USP9Y: variants seen among roughly 807,000 people sequenced by gnomAD.
USP9Y encodes ubiquitin carboxyl-terminal hydrolase 9Y.
In USP9Y, 41 loss-of-function variants were observed where a neutral mutation model predicts 53.1. The ratio of observed to expected loss-of-function variants is 0.77; its 90% CI spans 0.60 to 1.00. The LOEUF (loss-of-function observed/expected upper bound fraction) is 1.00. USP9Y is among the 50% of genes least tolerant of loss of function. USP9Y has a pLI of 0.00. For missense variants in USP9Y, 567 were observed against 535.8 expected, an observed-to-expected ratio of 1.06 and a Z score of -0.58; for synonymous variants, 220 against 173.7, an observed-to-expected ratio of 1.27 and a Z score of -2.09.
chrY:12,773,126 G>A (rs2053487689), intron 16 of USP9Y, among the ~76,000 whole-genome samples: 1 of 33,250 alleles, frequency 3.0e-5, no homozygotes, highest in Non-Finnish European at 7.4e-5. Context: ...AATTACTGGT[G>A]GATTTTTTGT....
chrY:12,767,095 A>G (rs2053480768), intron 15 of USP9Y, among the ~76,000 whole-genome samples: 1 of 33,131 alleles, frequency 3.0e-5, no homozygotes, highest in Non-Finnish European at 7.4e-5. Context: ...AGAAGTGGGC[A>G]TTTATTTAAT....
chrY:12,739,798 A>G (rs2053455896), intron 12 of USP9Y, among the ~76,000 whole-genome samples, 169 bp downstream of exon 12: 1 of 34,189 alleles, frequency 2.9e-5, no homozygotes, highest in Non-Finnish European at 7.3e-5. Flanking sequence ...TCTTCCAATC[A>G]GAGTTTAACA....
intron 33 of USP9Y, among the ~76,000 whole-genome samples, chrY:12,831,935 A>T (rs2053551216): frequency 3.0e-5 from 1 of 33,766 alleles, no homozygotes; most frequent in African/African-American, 1.2e-4. Context: ...ATAAATTGAT[A>T]AATCTATATA....
chrY:12,791,295 C>T (rs746442963), intron 25 of USP9Y, among the ~76,000 whole-genome samples: 1 of 33,208 alleles, frequency 3.0e-5, no homozygotes, highest in South Asian at 6.9e-4. Flanking sequence ...GTCTTCCGTT[C>T]ATATGGGAAG....
chrY:12,774,858 C>T (rs763575895), intron 17 of USP9Y, among the ~76,000 whole-genome samples: 9 of 33,299 alleles, frequency 2.7e-4, no homozygotes, highest in Non-Finnish European at 3.7e-4. Flanking sequence ...GAAGTTGCTA[C>T]GGTGTTCCAT....
intron 15 of USP9Y, among the ~76,000 whole-genome samples, chrY:12,768,257 G>T (rs2053481939): frequency 3.0e-5 from 1 of 32,856 alleles, no homozygotes; most frequent in African/African-American, 1.2e-4. Context: ...AGCAACACTG[G>T]AGCTCACTGA....
chrY:12,726,973 A>G (rs1020688227), intron 7 of USP9Y, among the ~76,000 whole-genome samples, 180 bp downstream of exon 7: 1 of 33,589 alleles, frequency 3.0e-5, no homozygotes, highest in Non-Finnish European at 7.4e-5. Context: ...CTCATGGTCA[A>G]TAACCATATA....
At chrY:12,756,765 T>C (rs755873240) in intron 12 of USP9Y, among the ~76,000 whole-genome samples, 1 of 33,838 alleles carries the variant, frequency 3.0e-5, no homozygotes, top group African/African-American at 1.1e-4. Flanking sequence ...AGGTTTTTGT[T>C]GTTTGGATTT....
intron 33 of USP9Y, among the ~76,000 whole-genome samples, chrY:12,823,113 C>T: frequency 3.1e-5 from 1 of 32,637 alleles, no homozygotes; most frequent in Non-Finnish European, 7.5e-5. Flanking sequence ...TGATCTACCT[C>T]GCTCTGCCTC....
intron 27 of USP9Y, among the ~76,000 whole-genome samples, chrY:12,797,823 A>C: frequency 3.0e-5 from 1 of 33,407 alleles, no homozygotes; most frequent in Admixed American, 2.7e-4. Context: ...ACTGAAAAGT[A>C]AGTCACGATA....
chrY:12,850,307 T>A (rs2053570612), intron 42 of USP9Y, among the ~76,000 whole-genome samples: 1 of 31,915 alleles, frequency 3.1e-5, no homozygotes, highest in African/African-American at 1.2e-4. Flanking sequence ...TTATCATTTT[T>A]TATTGCATCT....
chrY:12,821,140 C>T, intron 33 of USP9Y, among the ~76,000 whole-genome samples: 2 of 33,221 alleles, frequency 6.0e-5, no homozygotes, highest in African/African-American at 1.2e-4. Flanking sequence ...ACATTTTCCT[C>T]ACCAAAAAAA....
chrY:12,769,094 G>A (rs972053615), intron 15 of USP9Y, among the ~76,000 whole-genome samples: 1 of 33,336 alleles, frequency 3.0e-5, no homozygotes, highest in African/African-American at 1.2e-4. Context: ...AAAGTACCTC[G>A]AGTGCCAGTC....
intron 27 of USP9Y, among the ~76,000 whole-genome samples, chrY:12,808,883 T>G: frequency 6.0e-5 from 2 of 33,571 alleles, no homozygotes; most frequent in East Asian, 1.5e-3. Flanking sequence ...TACAGTTTGG[T>G]TTTATATAGG....
chrY:12,711,453 GT>G (rs1309804300), intron 3 of USP9Y, among the ~76,000 whole-genome samples: 9 of 24,437 alleles, frequency 3.7e-4, no homozygotes, highest in South Asian at 2.7e-3. Context: ...CTTCTTGATA[GT>G]TTTTTTTTTT....
chrY:12,811,713 T>C lies in USP9Y; in HGVS notation c.4318T>C (p.Leu1440=), dbSNP rs752118085. ...EGHLGVTKEL[L]AFQTSEKKYH... ...CCACCTTGGGGTAACAAAAGAGTTA[T>C]TGGCCTTTCAAACTTCTGAGAAAAA... The change falls in exon 30 of 46, where the codon TTG becomes CTG. Residue 1440 remains leucine (L), a synonymous_variant. Coordinates refer to ENST00000338981, the MANE Select transcript of USP9Y (RefSeq NM_004654.4). 2 of 396,434 alleles carry C rather than the reference T, an allele frequency of 5.0e-6. No individual in the cohort carries two copies. Among genetic ancestry groups the C allele is most frequent in the East Asian group, 9.3e-5 (1 of 10,773 alleles).
At chrY:12,717,264 G>A (rs1021274244) in intron 3 of USP9Y, among the ~76,000 whole-genome samples, 1 of 32,638 alleles carries the variant, frequency 3.1e-5, no homozygotes, top group Non-Finnish European at 7.5e-5. Context: ...CTATGCATGT[G>A]AGGGATGTAG....
At chrY:12,707,364 G>A (rs2053420308) in intron 1 of USP9Y, among the ~76,000 whole-genome samples, 1 of 33,691 alleles carries the variant, frequency 3.0e-5, no homozygotes, top group African/African-American at 1.2e-4. Context: ...TGATCCGCCC[G>A]CCTCGGCTTC....
At chrY:12,748,728 A>G (rs755729202) in intron 12 of USP9Y, among the ~76,000 whole-genome samples, 1 of 33,720 alleles carries the variant, frequency 3.0e-5, no homozygotes, top group South Asian at 6.6e-4. Flanking sequence ...TAAGAGATTG[A>G]GGATAGCCTC....
Sources: gnomAD v4.1 joint callset for allele counts (sites outside exome capture counted in the v4.1 genomes callset) on GRCh38, gnomAD v4.1.1 for gene constraint, MANE v1.5 for transcripts, NCBI Gene and HGNC (gene_info 2026-07-23, HGNC 2026-07-21) for gene names.